Variants in ZNF485 observed in about 807,000 individuals in gnomAD.
The protein encoded by ZNF485 is Zinc finger protein 93 (Zinc finger protein HTF34).
A neutral mutation model predicts 10.8 loss-of-function variants in ZNF485; 9 were observed. The observed-to-expected ratio is 0.83, with a 90% confidence interval of 0.50 to 1.45. The LOEUF (loss-of-function observed/expected upper bound fraction) is 1.45, where lower values mean the gene tolerates loss of function less well. Among genes scored for constraint, ZNF485 ranks in the 40% most tolerant of loss-of-function variants. The probability of loss-of-function intolerance (pLI) is 0.00; values close to 1 mark genes in which losing one functional copy is unlikely to be tolerated. For missense variants in ZNF485, 487 were observed against 528.0 expected (o/e 0.92, Z 0.76); for synonymous variants, 187 against 181.0 (o/e 1.03, Z -0.27).
intron 1 of ZNF485, among the ~76,000 whole-genome samples, 169 bp downstream of exon 1, chr10:43,606,715 G>T (rs929411642): frequency 5.3e-5 from 8 of 152,240 alleles, no homozygotes; most frequent in African/African-American, 2.4e-5. Flanking sequence ...ACCGCTCGAG[G>T]CTGGTGCATC....
At chr10:43,607,313 A>G (rs191065581) in intron 2 of ZNF485, 1 of 601,840 alleles carries the variant, frequency 1.7e-6, no homozygotes. Flanking sequence ...CTGGCAGACG[A>G]TGAAAAAAAT....
intron 4 of ZNF485, 124 bp downstream of exon 4, chr10:43,609,474 T>A: frequency 1.5e-6 from 1 of 687,114 alleles, no homozygotes; most frequent in South Asian, 2.3e-5. Context: ...TCTTTTGATG[T>A]CATCCTCCTG....
chr10:43,607,752 A>G (rs992772968), intron 2 of ZNF485, among the ~76,000 whole-genome samples: 1 of 152,198 alleles, frequency 6.6e-6, no homozygotes, highest in Non-Finnish European at 1.5e-5. Context: ...TTCATTTGAA[A>G]CACACTTTTC....
chr10:43,608,930 G>A (rs1042907694), intron 3 of ZNF485, among the ~76,000 whole-genome samples, 190 bp downstream of exon 3: 1 of 152,208 alleles, frequency 6.6e-6, no homozygotes, highest in African/African-American at 2.4e-5. Context: ...GCCATACAGA[G>A]TTAAGATGGG....
rs552384088 is a variant in ZNF485 at position 43,610,277 on chromosome 10, A to G, written c.247+927A>G. ...TCTCTGTGCCATAGTTCATTTCTGA[A>G]TCTCTAAGCCTGAATATTTCTCTCA... On this transcript the variant is annotated intron_variant, in intron 4 of 4. Transcript: ENST00000361807. Among the ~76,000 whole-genome samples, 146 of 152,132 alleles carry G rather than the reference A, an allele frequency of 9.6e-4. 4 individuals are homozygous for G. Among genetic ancestry groups the G allele is most frequent in the Admixed American group, 9.4e-3 (144 of 15,280 alleles).
At chr10:43,607,934 T>C (rs1270600942) in intron 2 of ZNF485, among the ~76,000 whole-genome samples, 1 of 152,230 alleles carries the variant, frequency 6.6e-6, no homozygotes, top group Admixed American at 6.5e-5. Context: ...AGCTACGAAA[T>C]AGATTTTACT....
chr10:43,609,067 T>C (rs569554054), intron 3 of ZNF485, among the ~76,000 whole-genome samples, 188 bp from the exon 4 acceptor site: 29 of 152,234 alleles, frequency 1.9e-4, no homozygotes, highest in Admixed American at 1.6e-3. Flanking sequence ...CCCCCTCCCT[T>C]TGCTTTACTT....
chr10:43,617,330 G>A lies in ZNF485; in HGVS notation c.1287G>A (p.Lys429=), dbSNP rs769519287. 1.9e-6 allele frequency: 3 copies of A among 1,569,080 alleles called. No individual in the cohort carries two copies. The highest frequency in any genetic ancestry group is 2.6e-6 in the Non-Finnish European group (3 of 1,162,896). The stretch of plus-strand genomic sequence containing the variant: ...GAAGTTCAGCCCTTAAGCAACATAA[G>A]AAAATTCATAATAAAGAAAGAGCCA... ...FPRSSALKQH[K]KIHNKERAMK... Residue 429 remains lysine, a synonymous_variant, in exon 5 of 5, where the codon AAG becomes AAA. Transcript: ENST00000361807.
Position 43,607,076 on chromosome 10 carries a change from C to T in ZNF485, c.24+2C>T, listed in dbSNP as rs1337183985. On this transcript the variant is annotated splice_donor_variant, in intron 2 of 4. Coordinates refer to ENST00000361807, the MANE Select transcript of ZNF485 (RefSeq NM_145312.4). LOFTEE classifies it low-confidence loss of function (GC_TO_GT_DONOR). ...ATGGCCCCAAGAGCCCAGATCCAGG[C>T]AAGTTTGATTTTTCCATTTCTTGAG... 6 of 1,551,480 alleles carry T rather than the reference C, an allele frequency of 3.9e-6. No individual in the cohort carries two copies. The Admixed American group carries it at 9.8e-5, about 25-fold the overall frequency.
chr10:43,608,028 C>G (rs7906484), intron 2 of ZNF485, among the ~76,000 whole-genome samples: 13,187 of 152,222 alleles, frequency 0.087, 782 homozygotes, highest in African/African-American at 0.16. Context: ...AGTTGTTACT[C>G]TTATGAAAAG....
chr10:43,610,580 T>G (rs1284465217), intron 4 of ZNF485, among the ~76,000 whole-genome samples: 1 of 152,206 alleles, frequency 6.6e-6, no homozygotes, highest in Admixed American at 6.5e-5. Flanking sequence ...GTTCTTTCTG[T>G]TTTAATTTTG....
chr10:43,616,300 A>G lies in ZNF485; in HGVS notation c.257A>G (p.Tyr86Cys). 6.4e-7 allele frequency: 1 copy of G among 1,562,498 alleles called. No individual in the cohort carries two copies. ...APSGTHAVED[Y>C]WFETKMSALK... is the part of the protein sequence containing the mutation. ...TAAAATTTTCTTTCAGTCGAGGATT[A>G]CTGGTTTGAAACAAAGATGTCAGCC... The change falls in exon 5 of 5, where the codon TAC (tyrosine) becomes TGC (cysteine). Residue 86 changes from tyrosine to cysteine, a missense_variant. Transcript: ENST00000361807.
chr10:43,609,378 AAGCTG>A, intron 4 of ZNF485, 28 bp downstream of exon 4: 1 of 1,585,394 alleles, frequency 6.3e-7, no homozygotes, highest in East Asian at 2.2e-5. Context: ...ATCCCAGCAG[AAGCTG>A]AGCACACGGA....
At position 43,617,556 on chromosome 10, in the gene ZNF485, A is replaced by G. The variant is rs1838890012; in HGVS notation, c.*187A>G. ...AATGTATGTCAGTATGGAAGTAGTT[A>G]TAGCATACTGTGTGCTAATTGAAAA... On this transcript the variant is annotated 3_prime_UTR_variant, in exon 5 of 5. Coordinates refer to ENST00000361807, the MANE Select transcript of ZNF485 (RefSeq NM_145312.4). The G allele has an allele frequency of 1.9e-6, 1 of 529,382 alleles. No individual in the cohort carries two copies. 32.8% of individuals were successfully genotyped at this position (529,382 alleles called of 1,614,324 possible).
rs1838701940 is a variant in ZNF485 at position 43,608,620 on chromosome 10, CTGACAT to C, written c.33_38del (p.Thr12_Phe13del). 54 of 1,613,564 alleles carry C rather than the reference CTGACAT, an allele frequency of 3.3e-5. No individual in the cohort carries two copies. Among genetic ancestry groups the C allele is most frequent in the Non-Finnish European group, 4.6e-5 (54 of 1,179,696 alleles). On this transcript the variant is annotated inframe_deletion, in exon 3 of 5. Transcript: ENST00000361807. ...ATTGGGTTTGGTTTTGCAGGGACCG[CTGACAT>C]TTGGGGATGTGGCTGTGGCCTTTAC...
chr10:43,606,640 C>T, intron 1 of ZNF485, 94 bp downstream of exon 1: 1 of 303,690 alleles, frequency 3.3e-6, no homozygotes, highest in Non-Finnish European at 6.1e-6. Flanking sequence ...GAGGGGCGAG[C>T]CGGGGTGGGA....
rs1215296323 is a variant in ZNF485, at chr10:43,616,862, C to T, written c.819C>T (p.Asn273=). 1.9e-6 allele frequency: 3 copies of T among 1,613,980 alleles called. No homozygotes were observed. The highest frequency in any genetic ancestry group is 2.5e-6 in the Non-Finnish European group (3 of 1,180,016). Residue 273 remains asparagine, a synonymous_variant, in exon 5 of 5, where the codon AAC becomes AAT. Coordinates refer to ENST00000361807, the MANE Select transcript of ZNF485 (RefSeq NM_145312.4). ...GTGGAGAGAAGCCTTTTAAATGTAA[C>T]AAGTGTGGGAGAGCTTTCAGGGATA... The part of the protein sequence containing the change: ...IHSGEKPFKC[N]KCGRAFRDNS...
Position 43,617,880 on chromosome 10 carries a change from C to CA in ZNF485, c.*514dup, listed in dbSNP as rs1838894706. On this transcript the variant is annotated 3_prime_UTR_variant, in exon 5 of 5. Coordinates refer to ENST00000361807, the MANE Select transcript of ZNF485 (RefSeq NM_145312.4). ...TTATATGCATTCAAAAAGACCTGGA[C>CA]AAATAAAGACCAATCTTAACAGCAG... The CA allele has an allele frequency of 6.6e-6, 1 of 150,756 alleles. No homozygotes were observed. The highest frequency in any genetic ancestry group is 6.6e-5 in the Admixed American group (1 of 15,146). 9.3% of individuals were successfully genotyped at this position (150,756 alleles called of 1,614,324 possible).
In ZNF485 at chr10:43,616,793, C is replaced by T; in HGVS notation, c.750C>T (p.Ala250=). The change falls in exon 5 of 5, where the codon GCC becomes GCT. Residue 250 remains alanine, a synonymous_variant. Transcript: ENST00000361807. The part of the protein sequence containing the change: ...KPYKCNDCGK[A]FAQNAALTRH... ...ACAAATGTAATGACTGTGGGAAAGC[C>T]TTCGCTCAGAATGCAGCTCTTACTC... is the stretch of plus-strand genomic sequence containing the variant. 6.2e-7 allele frequency: 1 copy of T among 1,614,050 alleles called. No individual in the cohort carries two copies. The highest frequency in any genetic ancestry group is 2.2e-5 in the East Asian group (1 of 44,874).
Sources: allele counts gnomAD v4.1 joint callset (sites outside exome capture counted in the v4.1 genomes callset), GRCh38; gene constraint gnomAD v4.1.1; transcripts MANE v1.5; gene names NCBI Gene and HGNC (gene_info 2026-07-23, HGNC 2026-07-21).